KIF26B: variants seen among roughly 807,000 people sequenced by gnomAD.
The protein encoded by KIF26B is kinesin-like protein KIF26B.
KIF26B carries 63 observed loss-of-function variants against 151.2 expected under a neutral mutation model. The observed-to-expected ratio is 0.42, with a 90% CI of 0.34 to 0.51. KIF26B has a LOEUF of 0.51. KIF26B is among the 20% of genes least tolerant of loss of function. KIF26B has a pLI of 0.07. For missense variants in KIF26B, 2,813 were observed against 2,913.6 expected, an observed-to-expected ratio of 0.97 and a Z score of 0.79; for synonymous variants, 1,357 against 1,262.1, an observed-to-expected ratio of 1.08 and a Z score of -1.59.
At chr1:245,552,801 C>T (rs1242978234) in intron 5 of KIF26B, among the ~76,000 whole-genome samples, 2 of 152,042 alleles carry the variant, frequency 1.3e-5, no homozygotes, top group East Asian at 3.9e-4. Context: ...GGTTTTACCA[C>T]GTTGGCCAGG....
intron 5 of KIF26B, among the ~76,000 whole-genome samples, chr1:245,587,627 G>A (rs1480551989): frequency 6.6e-6 from 1 of 152,206 alleles, no homozygotes; most frequent in African/African-American, 2.4e-5. Context: ...GGGAACAGCA[G>A]CTTGAGTGCT....
At chr1:245,566,074 A>AG (rs1406145032) in intron 5 of KIF26B, among the ~76,000 whole-genome samples, 1 of 152,244 alleles carries the variant, frequency 6.6e-6, no homozygotes, top group Non-Finnish European at 1.5e-5. Flanking sequence ...GCCATTCATA[A>AG]GGGATCTGCG....
chr1:245,602,617 A>G lies in KIF26B; in HGVS notation c.1391A>G (p.Asp464Gly), dbSNP rs774145141. Residue 464 changes from aspartate to glycine, a missense_variant, in exon 6 of 15, where the codon GAT becomes GGT. Coordinates refer to ENST00000407071, the MANE Select transcript of KIF26B (RefSeq NM_018012.4). This position sits in a 1 kb window ranked among gnomAD's most constrained non-coding sequence, Gnocchi z 4.5. ...MLRICSTLAR[D>G]TSESSSFLKV... ...CGCATCTGTTCCACCTTGGCTCGAG[A>G]TACTTCAGAATCCAGCTCTTTCTTA... The G allele has an allele frequency of 1.9e-6, 3 of 1,613,916 alleles. No homozygotes were observed. The highest frequency in any genetic ancestry group is 1.3e-5 in the African/African-American group (1 of 75,062).
intron 2 of KIF26B, chr1:245,206,579 C>T (rs1334028892): frequency 2.6e-5 from 4 of 152,280 alleles, no homozygotes; most frequent in East Asian, 3.9e-4. Flanking sequence ...AAGAATGAAC[C>T]GTCATGGCTG....
chr1:245,659,652 G>C (rs1203940103), intron 10 of KIF26B, among the ~76,000 whole-genome samples: 2 of 152,084 alleles, frequency 1.3e-5, no homozygotes, highest in South Asian at 2.1e-4. Flanking sequence ...TGCACCAGTA[G>C]GACAGAGGAA....
intron 2 of KIF26B, among the ~76,000 whole-genome samples, chr1:245,243,723 C>T (rs951194573): frequency 2.6e-5 from 4 of 152,166 alleles, no homozygotes; most frequent in South Asian, 2.1e-4. Context: ...TGGTGGCACA[C>T]GCCTGTAGTC....
chr1:245,683,319 C>T, intron 10 of KIF26B, among the ~76,000 whole-genome samples: 1 of 98,404 alleles, frequency 1.0e-5, no homozygotes, highest in Admixed American at 1.1e-4. Flanking sequence ...GCTTCCTCAG[C>T]CCTTCAGGAT....
chr1:245,180,866 T>C (rs1043241660), intron 2 of KIF26B, among the ~76,000 whole-genome samples: 2 of 152,150 alleles, frequency 1.3e-5, no homozygotes, highest in African/African-American at 4.8e-5. Flanking sequence ...GGTGGGGCCT[T>C]GCTCTGTCAC....
At chr1:245,678,580 C>T (rs1011272008) in intron 10 of KIF26B, among the ~76,000 whole-genome samples, 1 of 151,962 alleles carries the variant, frequency 6.6e-6, no homozygotes, top group Non-Finnish European at 1.5e-5. Flanking sequence ...AAAAGCAAGA[C>T]AGGCCTGGCA....
In KIF26B at chr1:245,263,519, A is replaced by G. The variant is rs560172708; in HGVS notation, c.466-103315A>G. Reference sequence around the variant, plus strand: ...AAAGAGATACGCAGATACATCTCACAAACACTGATGGAATACTTAGTATGT... The same window carrying G: ...AAAGAGATACGCAGATACATCTCACGAACACTGATGGAATACTTAGTATGT... On this transcript the variant is annotated intron_variant, in intron 2 of 14. Transcript: ENST00000407071. Among the ~76,000 whole-genome samples, 13 of 152,350 alleles carry G rather than the reference A, an allele frequency of 8.5e-5. No homozygotes were observed. The South Asian group carries it at 2.7e-3, about 32-fold the overall frequency.
chr1:245,280,172 G>A (rs1260559416), intron 2 of KIF26B, among the ~76,000 whole-genome samples: 1 of 151,860 alleles, frequency 6.6e-6, no homozygotes, highest in African/African-American at 2.4e-5. Context: ...CCCCCTAACA[G>A]CAGTTAGTGT....
intron 2 of KIF26B, chr1:245,216,453 A>G (rs892980297): frequency 7.0e-6 from 1 of 141,932 alleles, no homozygotes; most frequent in Non-Finnish European, 1.5e-5. Context: ...GCAGAATATT[A>G]CTTCTGTTGC....
chr1:245,465,406 A>AC (rs1553276804), intron 4 of KIF26B, among the ~76,000 whole-genome samples: 2 of 151,538 alleles, frequency 1.3e-5, no homozygotes, highest in Non-Finnish European at 2.9e-5. Flanking sequence ...TGACCAGGGG[A>AC]GGGGGAAAAG....
At chr1:245,615,002 G>A (rs1394917263) in intron 9 of KIF26B, 2 of 136,134 alleles carry the variant, frequency 1.5e-5, no homozygotes, top group East Asian at 2.0e-4. Flanking sequence ...AATCGGATAG[G>A]GATGAGGAGA....
chr1:245,423,646 C>T (rs1047333976), intron 4 of KIF26B, among the ~76,000 whole-genome samples: 1 of 152,078 alleles, frequency 6.6e-6, no homozygotes, highest in Non-Finnish European at 1.5e-5. Context: ...TAAGAGGTGA[C>T]ACATTTGTTG....
rs780276578 is a variant in KIF26B, at chr1:245,667,778, C to T, written c.2259-16455C>T. On this transcript the variant is annotated intron_variant, in intron 10 of 14. Transcript: ENST00000407071. This position sits in a 1 kb window ranked among gnomAD's most constrained non-coding sequence, Gnocchi z 4.3. ...GTCCCTTCGCAGCACTCCTGAAAAGCTCTGAGATGTTTTGAAGCTAAAACA... is the reference window on the plus strand; with the variant it reads ...GTCCCTTCGCAGCACTCCTGAAAAGTTCTGAGATGTTTTGAAGCTAAAACA... Among the ~76,000 whole-genome samples the T allele has an allele frequency of 6.6e-6, 1 of 152,192 alleles. No homozygotes were observed. Among genetic ancestry groups the T allele is most frequent in the Non-Finnish European group, 1.5e-5 (1 of 68,036 alleles).
chr1:245,305,936 CAAAAAAAAA>C (rs55865379), intron 2 of KIF26B, among the ~76,000 whole-genome samples: 2 of 86,704 alleles, frequency 2.3e-5, no homozygotes, highest in Non-Finnish European at 4.4e-5. Context: ...GACGACTCCT[CAAAAAAAAA>C]AAAAAAAAAA....
intron 2 of KIF26B, among the ~76,000 whole-genome samples, chr1:245,330,248 TAG>T (rs757302622): frequency 7.4e-5 from 11 of 149,288 alleles, no homozygotes; most frequent in Non-Finnish European, 1.5e-4. Flanking sequence ...CATCTTTTCC[TAG>T]CCAGGAGGGG....
chr1:245,327,727 A>G (rs1465095511), intron 2 of KIF26B, among the ~76,000 whole-genome samples: 1 of 152,240 alleles, frequency 6.6e-6, no homozygotes, highest in Non-Finnish European at 1.5e-5. Flanking sequence ...CTAGCCTCTG[A>G]CATCTTTTCT....
Sources: allele counts gnomAD v4.1 joint callset (sites outside exome capture counted in the v4.1 genomes callset), GRCh38; gene constraint gnomAD v4.1.1; non-coding constraint Gnocchi (gnomAD v3.1); transcripts MANE v1.5; gene names NCBI Gene and HGNC (gene_info 2026-07-23, HGNC 2026-07-21).